PTPDC1: variants seen among roughly 807,000 people sequenced by gnomAD.
PTPDC1 encodes protein tyrosine phosphatase domain-containing protein 1.
Under a neutral mutation model 75.3 loss-of-function variants are expected in PTPDC1, and 53 were observed. The observed-to-expected ratio is 0.70, with a 90% CI of 0.56 to 0.88. The LOEUF (loss-of-function observed/expected upper bound fraction) is 0.88. PTPDC1 is among the 40% of genes least tolerant of loss of function. PTPDC1 has a pLI of 0.00. For synonymous variants in PTPDC1, 349 were observed against 366.2 expected (o/e 0.95, Z 0.54); for missense variants, 925 against 998.6 (o/e 0.93, Z 0.99).
chr9:94,098,510 C>T lies in PTPDC1; in HGVS notation c.1944C>T (p.Ala648=), dbSNP rs774304997. Residue 648 remains alanine, a synonymous_variant, in exon 6 of 9, where the codon GCC becomes GCT. Coordinates refer to ENST00000620992, the MANE Select transcript of PTPDC1 (RefSeq NM_001253829.2). ...LSAEARRILA[A]KALANLNESV... ...CTGAGGCAAGAAGAATACTGGCGGC[C>T]AAAGCCCTAGCAAATTTAAATGAAT... 1 of 1,614,030 alleles carries T rather than the reference C, an allele frequency of 6.2e-7. No individual in the cohort carries two copies. Among genetic ancestry groups the T allele is most frequent in the South Asian group, 1.1e-5 (1 of 91,072 alleles).
upstream of PTPDC1, among the ~76,000 whole-genome samples, chr9:94,079,944 A>G (rs537599485): frequency 3.3e-5 from 5 of 152,332 alleles, no homozygotes; most frequent in Admixed American, 3.3e-4. Flanking sequence ...GAGGAAATCC[A>G]TATGGGAGAG....
chr9:94,074,586 T>C (rs1826619647), intron 2 of PTPDC1, among the ~76,000 whole-genome samples: 1 of 152,068 alleles, frequency 6.6e-6, no homozygotes, highest in Non-Finnish European at 1.5e-5. Flanking sequence ...TCTTTCCTCC[T>C]CATACAGGTG....
intron 2 of PTPDC1, among the ~76,000 whole-genome samples, chr9:94,070,289 T>A (rs1826467647): frequency 6.6e-6 from 1 of 152,076 alleles, no homozygotes; most frequent in Admixed American, 6.5e-5. Flanking sequence ...ATCACCCAAC[T>A]CGGCTGTATT....
At chr9:94,088,877 T>C (rs1047532628) in intron 4 of PTPDC1, among the ~76,000 whole-genome samples, 9 of 152,196 alleles carry the variant, frequency 5.9e-5, no homozygotes, top group Admixed American at 5.9e-4. Context: ...CCATATATAC[T>C]GTCTTAAGCT....
At chr9:94,087,703 CAAAA>C (rs1827126465) in intron 2 of PTPDC1, 124 bp from the exon 3 acceptor site, 1 of 672,514 alleles carries the variant, frequency 1.5e-6, no homozygotes, top group African/African-American at 1.8e-5. Flanking sequence ...AATTTATACA[CAAAA>C]AAGAATATTC....
chr9:94,067,798 A>T (rs1407814846), intron 2 of PTPDC1, among the ~76,000 whole-genome samples: 1 of 152,086 alleles, frequency 6.6e-6, no homozygotes, highest in East Asian at 1.9e-4. Context: ...GACAGGGTTT[A>T]GCCATATTGG....
chr9:94,039,430 G>A (rs1248939277), intron 1 of PTPDC1, among the ~76,000 whole-genome samples: 1 of 152,120 alleles, frequency 6.6e-6, no homozygotes, highest in Non-Finnish European at 1.5e-5. Flanking sequence ...AGCCAGTGCA[G>A]CTATAGTCAT....
rs745926825 is a variant in PTPDC1, at chr9:94,097,827, C to T, written c.1261C>T (p.Gln421Ter). The T allele has an allele frequency of 1.9e-6, 3 of 1,614,168 alleles. No individual in the cohort carries two copies. Among genetic ancestry groups the T allele is most frequent in the Non-Finnish European group, 1.7e-6 (2 of 1,180,040 alleles). Residue 421 changes from glutamine to a stop codon, truncating the protein, a stop_gained, in exon 6 of 9, where the codon CAA becomes TAA. Coordinates refer to ENST00000620992, the MANE Select transcript of PTPDC1 (RefSeq NM_001253829.2). LOFTEE classifies it high-confidence loss of function. ...TCGAGGCATGATTTTCTCCAATGAG[C>T]AACAGTTTGACCCTCTTTGGAAAAG... ...DNRGMIFSNE[Q>*]QFDPLWKRRN...
intron 6 of PTPDC1, chr9:94,101,257 T>C (rs1316277889): frequency 4.4e-6 from 1 of 227,246 alleles, no homozygotes; most frequent in Non-Finnish European, 8.5e-6. Flanking sequence ...AGTAGAGAAC[T>C]TGGATTAACT....
intron 1 of PTPDC1, among the ~76,000 whole-genome samples, chr9:94,044,951 T>C (rs994655938): frequency 4.0e-5 from 6 of 150,760 alleles, no homozygotes; most frequent in African/African-American, 1.5e-4. Flanking sequence ...CATTAACTCG[T>C]CATTTAGCAT....
intron 1 of PTPDC1, among the ~76,000 whole-genome samples, chr9:94,046,131 G>A (rs1437292146): frequency 6.6e-6 from 1 of 152,072 alleles, no homozygotes; most frequent in Non-Finnish European, 1.5e-5. Context: ...TTTTTGTCAG[G>A]TTTGTCAAAG....
At chr9:94,047,142 T>C (rs1825627535) in intron 1 of PTPDC1, among the ~76,000 whole-genome samples, 2 of 152,190 alleles carry the variant, frequency 1.3e-5, no homozygotes, top group South Asian at 4.1e-4. Context: ...TATGCTGGAT[T>C]ACATTTATTG....
intron 1 of PTPDC1, among the ~76,000 whole-genome samples, chr9:94,050,732 T>C (rs577101873): frequency 1.3e-5 from 2 of 152,330 alleles, no homozygotes; most frequent in East Asian, 3.9e-4. Context: ...CACTACTCTC[T>C]TCAAAGCTGT....
At chr9:94,036,121 C>T (rs1479338555) in intron 1 of PTPDC1, among the ~76,000 whole-genome samples, 1 of 135,920 alleles carries the variant, frequency 7.4e-6, no homozygotes, top group Non-Finnish European at 1.5e-5. Flanking sequence ...CAAACATTTT[C>T]TCCCATTCTG....
At chr9:94,105,689 C>T (rs1827993819) in intron 8 of PTPDC1, among the ~76,000 whole-genome samples, 1 of 146,830 alleles carries the variant, frequency 6.8e-6, no homozygotes, top group South Asian at 2.2e-4. Flanking sequence ...AAAAAAGTGG[C>T]CAGGCATGGT....
At chr9:94,038,282 G>A (rs376540962) in intron 1 of PTPDC1, 9 of 791,516 alleles carry the variant, frequency 1.1e-5, no homozygotes, top group Middle Eastern at 2.7e-4. Flanking sequence ...GATCTTTGCT[G>A]GCATTAAGAA....
In PTPDC1 at chr9:94,107,857, A is replaced by C. The variant is rs752745688; in HGVS notation, c.2340A>C (p.Thr780=). ...ATTTTGATTCTGAAAATGGACCAAC[A>C]GTTTACAACACCCTGAAGAAAATAT... ...KVNFDSENGP[T]VYNTLKKIFK... The change falls in exon 9 of 9, where the codon ACA becomes ACC. Residue 780 remains threonine, a synonymous_variant. Transcript: ENST00000620992. The C allele has an allele frequency of 3.1e-6, 5 of 1,606,308 alleles. No individual in the cohort carries two copies. The Admixed American group carries it at 5.1e-5, about 17-fold the overall frequency.
At chr9:94,075,433 G>A (rs1328795987) in intron 2 of PTPDC1, among the ~76,000 whole-genome samples, 1 of 152,172 alleles carries the variant, frequency 6.6e-6, no homozygotes, top group Non-Finnish European at 1.5e-5. Flanking sequence ...AAGATGATGT[G>A]GCATTTTTAA....
chr9:94,093,998 A>T (rs1479407061), intron 4 of PTPDC1, among the ~76,000 whole-genome samples: 1 of 152,078 alleles, frequency 6.6e-6, no homozygotes, highest in Non-Finnish European at 1.5e-5. Flanking sequence ...AATTTTTTTC[A>T]AAGTTTTCAA....
Sources: gnomAD v4.1 joint callset for allele counts (sites outside exome capture counted in the v4.1 genomes callset) on GRCh38, gnomAD v4.1.1 for gene constraint, MANE v1.5 for transcripts, NCBI Gene and HGNC (gene_info 2026-07-23, HGNC 2026-07-21) for gene names.